The following RS1 variants were observed in gnomAD, a reference collection of about 807,000 sequenced individuals.
RS1 encodes the protein retinoschisin.
A neutral mutation model predicts 20.8 loss-of-function variants in RS1; 2 were observed. The ratio of observed to expected loss-of-function variants is 0.10; its 90% confidence interval spans 0.04 to 0.30. The LOEUF is 0.30. Among genes scored for constraint, RS1 ranks in the 10% least tolerant of loss-of-function variants. RS1 has a pLI of 1.00. For synonymous variants in RS1, 70 were observed against 75.8 expected (o/e 0.92, Z 0.40); for missense variants, 151 against 189.8 (o/e 0.80, Z 1.20).
chrX:18,645,841 A>T (rs1927748839), intron 4 of RS1, among the ~76,000 whole-genome samples: 1 of 111,138 alleles, frequency 9.0e-6, no homozygotes, highest in Non-Finnish European at 1.9e-5. Context: ...GCAAATGGCC[A>T]TCTGGCTAAG....
chrX:18,658,148 C>T (rs1415109361), intron 1 of RS1, among the ~76,000 whole-genome samples: 1 of 110,726 alleles, frequency 9.0e-6, no homozygotes, highest in Non-Finnish European at 1.9e-5. Flanking sequence ...CCAGCCTGGG[C>T]GACAGAGTAA....
intron 5 of RS1, 92 bp from the exon 6 acceptor site, chrX:18,642,248 T>C: frequency 1.0e-6 from 1 of 974,577 alleles, no homozygotes; most frequent in Non-Finnish European, 1.5e-6. Flanking sequence ...CTTTTAACTA[T>C]AGAAATGATT....
At chrX:18,647,996 G>A (rs1927857444) in intron 3 of RS1, among the ~76,000 whole-genome samples, 1 of 111,564 alleles carries the variant, frequency 9.0e-6, no homozygotes, top group African/African-American at 3.3e-5. Flanking sequence ...GTTCTTCTGT[G>A]TTGATTGTCT....
At chrX:18,658,690 C>T (rs908018381) in intron 1 of RS1, among the ~76,000 whole-genome samples, 2 of 110,660 alleles carry the variant, frequency 1.8e-5, no homozygotes, top group Non-Finnish European at 3.8e-5. Context: ...CTCCTGACCT[C>T]AGGTGATACT....
At chrX:18,651,014 G>A (rs1282288816) in intron 3 of RS1, among the ~76,000 whole-genome samples, 1 of 111,506 alleles carries the variant, frequency 9.0e-6, no homozygotes, top group African/African-American at 3.3e-5. Context: ...GTGAGACTAC[G>A]TTGATAACCT....
intron 5 of RS1, 104 bp from the exon 6 acceptor site, chrX:18,642,260 G>A (rs1927612435): frequency 1.1e-6 from 1 of 933,172 alleles, no homozygotes; most frequent in Non-Finnish European, 1.5e-6. Context: ...GAAATGATTA[G>A]GAAGTAGTTA....
chrX:18,654,085 G>A (rs1345414122), intron 3 of RS1, among the ~76,000 whole-genome samples: 1 of 111,152 alleles, frequency 9.0e-6, no homozygotes, highest in Non-Finnish European at 1.9e-5. Flanking sequence ...AGCTGTGTAG[G>A]GGAGACAGCT....
intron 1 of RS1, among the ~76,000 whole-genome samples, chrX:18,661,713 C>T (rs1928311336): frequency 8.9e-6 from 1 of 111,923 alleles, no homozygotes; most frequent in African/African-American, 3.2e-5. Flanking sequence ...CCTGGCCAAA[C>T]TCCACCTCGT....
chrX:18,668,663 T>C (rs1182140529), intron 1 of RS1, among the ~76,000 whole-genome samples: 1 of 112,967 alleles, frequency 8.9e-6, no homozygotes, highest in Non-Finnish European at 1.9e-5. Context: ...TATTCATGGG[T>C]AAATCTGTTA....
chrX:18,645,913 G>C (rs777560532), intron 4 of RS1: 2 of 1,188,824 alleles, frequency 1.7e-6, no homozygotes, highest in Admixed American at 4.5e-5. Flanking sequence ...CTGGTCAATG[G>C]GATGTGGGCA....
At position 18,644,602 on chromosome X, in the gene RS1, T is replaced by C; in HGVS notation, c.350A>G (p.Gln117Arg). 8.3e-7 allele frequency: 1 copy of C among 1,211,353 alleles called. No individual in the cohort carries two copies. Among genetic ancestry groups the C allele is most frequent in the South Asian group, 1.8e-5 (1 of 56,915 alleles). ...GFGCAWLSKF[Q>R]DSSQWLQIDL... ...TATCTGTAACCACTGGCTACTGTCC[T>C]GGAACTTGGAGAGCCAGGCACACCT... is the stretch of plus-strand genomic sequence containing the variant. The change falls in exon 5 of 6, where the codon CAG becomes CGG. Residue 117 changes from glutamine to arginine, a missense_variant. By Grantham distance (43) the Gln-to-Arg change is conservative (BLOSUM62 1). Coordinates refer to ENST00000379984, the MANE Select transcript of RS1 (RefSeq NM_000330.4).
chrX:18,661,158 G>A, intron 1 of RS1, among the ~76,000 whole-genome samples: 1 of 112,265 alleles, frequency 8.9e-6, no homozygotes. Flanking sequence ...CAATGTGGTA[G>A]TAGTAAGATG....
chrX:18,647,676 T>C, intron 3 of RS1: 1 of 245,069 alleles, frequency 4.1e-6, no homozygotes. Context: ...AGGTGCACAG[T>C]GAAATACCAT....
chrX:18,654,396 G>A (rs1465819743), intron 3 of RS1, among the ~76,000 whole-genome samples: 2 of 111,373 alleles, frequency 1.8e-5, no homozygotes, highest in Non-Finnish European at 3.8e-5. Flanking sequence ...AGATTGGGTC[G>A]ATGAAGCCAA....
intron 3 of RS1, among the ~76,000 whole-genome samples, chrX:18,652,480 C>G (rs747587002): frequency 1.3e-4 from 15 of 111,653 alleles, no homozygotes; most frequent in Non-Finnish European, 2.6e-4. Context: ...ACCAGCCTGG[C>G]CAACACGGTG....
intron 3 of RS1, among the ~76,000 whole-genome samples, chrX:18,647,903 A>G (rs1476452508): frequency 1.8e-5 from 2 of 109,883 alleles, no homozygotes; most frequent in African/African-American, 6.7e-5. Context: ...GAAAAAAAAA[A>G]TGGGTGAAAT....
At chrX:18,666,775 G>C (rs1468054084) in intron 1 of RS1, among the ~76,000 whole-genome samples, 2 of 110,629 alleles carry the variant, frequency 1.8e-5, no homozygotes, top group South Asian at 7.7e-4. Context: ...CAGGATCTGC[G>C]GGCAGATTAC....
intron 3 of RS1, among the ~76,000 whole-genome samples, chrX:18,652,609 C>T (rs1445125347): frequency 8.1e-5 from 9 of 111,107 alleles, no homozygotes; most frequent in Non-Finnish European, 1.7e-4. Flanking sequence ...GCAGAGCTTG[C>T]AGTGAGCCAA....
At chrX:18,668,560 G>A (rs190297374) in intron 1 of RS1, among the ~76,000 whole-genome samples, 1 of 113,239 alleles carries the variant, frequency 8.8e-6, no homozygotes, top group African/African-American at 3.2e-5. Context: ...CAGGAGGAAC[G>A]CACGCAGCAG....
Sources: allele counts gnomAD v4.1 joint callset (sites outside exome capture counted in the v4.1 genomes callset), GRCh38; gene constraint gnomAD v4.1.1; transcripts MANE v1.5; gene names NCBI Gene and HGNC (gene_info 2026-07-23, HGNC 2026-07-21).